PSKH1: variants seen among roughly 807,000 people sequenced by gnomAD.
PSKH1 encodes the protein serine/threonine-protein kinase H1.
PSKH1 carries 12 observed loss-of-function variants against 26.7 expected under a neutral mutation model. That is an observed-to-expected ratio of 0.45 (90% CI 0.29 to 0.73). The LOEUF is 0.73. Ranked by LOEUF, PSKH1 falls within the 30% of genes least tolerant of loss-of-function variation. The probability of loss-of-function intolerance (pLI) is 0.11; values close to 1 mark genes in which losing one functional copy is unlikely to be tolerated. For synonymous variants in PSKH1, 213 were observed against 234.3 expected (o/e 0.91, Z 0.83); for missense variants, 431 against 595.2 (o/e 0.72, Z 2.87).
At chr16:67,900,335 C>T (rs749943294) in intron 1 of PSKH1, among the ~76,000 whole-genome samples, 3 of 152,132 alleles carry the variant, frequency 2.0e-5, no homozygotes, top group Non-Finnish European at 4.4e-5. Flanking sequence ...TGAGAATGGC[C>T]CCTTCCCTCA....
intron 2 of PSKH1, among the ~76,000 whole-genome samples, chr16:67,912,234 T>A (rs2136648): frequency 0.092 from 13,981 of 152,230 alleles, 1,914 homozygotes; most frequent in African/African-American, 0.3. Context: ...AATAGTCCCT[T>A]ATACTCAGTT....
Position 67,909,628 on chromosome 16 carries a change from C to T in PSKH1, c.879C>T (p.Gly293=), listed in dbSNP as rs754466592. Residue 293 remains glycine (G), a synonymous_variant, in exon 2 of 3, where the codon GGC becomes GGT. Coordinates refer to ENST00000291041, the MANE Select transcript of PSKH1 (RefSeq NM_006742.3). The surrounding 1 kb of genome is among the most constrained non-coding windows in gnomAD (Gnocchi z 7.8). ...LGVIAYILLS[G]TMPFEDDNRT... Reference sequence around the variant, plus strand: ...TCATTGCCTACATCCTACTCAGTGGCACCATGCCGTTTGAGGATGACAACC... The same window carrying T: ...TCATTGCCTACATCCTACTCAGTGGTACCATGCCGTTTGAGGATGACAACC... The T allele has an allele frequency of 1.1e-5, 18 of 1,613,876 alleles. No individual in the cohort carries two copies. In the Admixed American group the frequency reaches 2.8e-4, roughly 25 times the overall value.
chr16:67,895,555 C>T (rs912702104), intron 1 of PSKH1, among the ~76,000 whole-genome samples: 27 of 151,860 alleles, frequency 1.8e-4, no homozygotes, highest in Non-Finnish European at 1.3e-4. Flanking sequence ...ATTACAATCA[C>T]GCATCACCAC....
At position 67,929,653 on chromosome 16, in the gene PSKH1, A is replaced by G. The variant is rs923790262; in HGVS notation, c.*2011A>G. On this transcript the variant is annotated 3_prime_UTR_variant, in exon 3 of 3. Transcript: ENST00000291041. ...TATTCAGTAAACAGGCTGCCTCTCC[A>G]GGGAGGGCTGCCATTCATTCCAACA... 8 of 480,338 alleles carry G rather than the reference A, an allele frequency of 1.7e-5. No individual in the cohort carries two copies. Among genetic ancestry groups the G allele is most frequent in the Admixed American group, 6.7e-5 (2 of 29,816 alleles). The allele number at this position is 480,338 out of a possible 1,614,324, so 29.8% of individuals were successfully genotyped here.
In PSKH1 at chr16:67,909,110, C is replaced by G; in HGVS notation, c.361C>G (p.Arg121Gly). Residue 121 changes from arginine (R) to glycine (G), a missense_variant, in exon 2 of 3, where the codon CGG (arginine) becomes GGG (glycine). Arg to Gly is a moderately radical substitution (Grantham distance 125). Coordinates refer to ENST00000291041, the MANE Select transcript of PSKH1 (RefSeq NM_006742.3). The surrounding 1 kb of genome is among the most constrained non-coding windows in gnomAD (Gnocchi z 7.8). ...RVVRVEHRAT[R>G]QPYAIKMIET... is the part of the protein sequence containing the mutation. ...GGTACGTGTAGAGCACCGGGCAACCCGGCAGCCGTATGCCATCAAGATGAT... is the reference window on the plus strand; with the variant it reads ...GGTACGTGTAGAGCACCGGGCAACCGGGCAGCCGTATGCCATCAAGATGAT... 6.2e-7 allele frequency: 1 copy of G among 1,614,130 alleles called. No individual in the cohort carries two copies. The highest frequency in any genetic ancestry group is 8.5e-7 in the Non-Finnish European group (1 of 1,180,026).
intron 2 of PSKH1, among the ~76,000 whole-genome samples, chr16:67,921,755 T>C (rs896169149): frequency 2.6e-5 from 4 of 152,214 alleles, no homozygotes; most frequent in African/African-American, 9.6e-5. Context: ...GACATCGCTA[T>C]GTTGGTGGCA....
intron 1 of PSKH1, among the ~76,000 whole-genome samples, chr16:67,895,590 G>A (rs1430077235): frequency 6.6e-6 from 1 of 151,922 alleles, no homozygotes; most frequent in Non-Finnish European, 1.5e-5. Flanking sequence ...TGTATTCTTA[G>A]TAGAGACGGG....
rs760908953 is a variant in PSKH1, at chr16:67,909,463, C to T, written c.714C>T (p.Thr238=). Residue 238 remains threonine (T), a synonymous_variant, in exon 2 of 3, where the codon ACC becomes ACT. Transcript: ENST00000291041. The surrounding 1 kb of genome is among the most constrained non-coding windows in gnomAD (Gnocchi z 7.8). ...GCACTGACTCCAAGATCATCATCAC[C>T]GACTTCGGCCTGGCCAGTGCTCGCA... ...HPGTDSKIII[T]DFGLASARKK... 1.4e-5 allele frequency: 22 copies of T among 1,613,408 alleles called. 1 individual carries two copies. Among genetic ancestry groups the T allele is most frequent in the Middle Eastern group, 1.6e-4 (1 of 6,082 alleles).
chr16:67,900,200 G>A (rs1276474001), intron 1 of PSKH1, among the ~76,000 whole-genome samples: 1 of 152,070 alleles, frequency 6.6e-6, no homozygotes, highest in East Asian at 1.9e-4. Context: ...TACCTCAGGT[G>A]ATCCACCTGC....
In PSKH1 at chr16:67,927,936, T is replaced by A. The variant is rs1598195614; in HGVS notation, c.*294T>A. ...CTGCTCTGGTGGAGTTGGGAAGGGA[T>A]AGGACCTGGCCTTCACTGTCTCCCT... is the stretch of plus-strand genomic sequence containing the variant. On this transcript the variant is annotated 3_prime_UTR_variant, in exon 3 of 3. Coordinates refer to ENST00000291041, the MANE Select transcript of PSKH1 (RefSeq NM_006742.3). This position sits in a 1 kb window ranked among gnomAD's most constrained non-coding sequence, Gnocchi z 5.5. The A allele has an allele frequency of 8.4e-6, 4 of 478,126 alleles. No individual in the cohort carries two copies. The East Asian group carries it at 1.5e-4, about 17-fold the overall frequency. The allele number at this position is 478,126 out of a possible 1,614,324, so 29.6% of individuals were successfully genotyped here.
At chr16:67,910,053 T>A (rs2058168971) in intron 2 of PSKH1, 1 of 471,062 alleles carries the variant, frequency 2.1e-6, no homozygotes, top group African/African-American at 1.9e-5. Context: ...ATGTGGAATG[T>A]GCCTCATAGT....
chr16:67,918,297 T>TA (rs1397190474), intron 2 of PSKH1, among the ~76,000 whole-genome samples: 1 of 152,096 alleles, frequency 6.6e-6, no homozygotes, highest in Non-Finnish European at 1.5e-5. Context: ...CATCCTGAAT[T>TA]ATCACCCTCC....
intron 2 of PSKH1, among the ~76,000 whole-genome samples, chr16:67,915,922 A>C (rs1028838729): frequency 7.9e-5 from 12 of 152,208 alleles, no homozygotes; most frequent in Admixed American, 5.9e-4. Context: ...CTAGAGGTTG[A>C]GATTGCCTGG....
chr16:67,927,710 G>A lies in PSKH1; in HGVS notation c.*68G>A, dbSNP rs567391606. ...ACACACTGTGGTGCCATCTGGGTCC[G>A]ATGCCCTCTCTGGAGATAGGCCTAT... is the stretch of plus-strand genomic sequence containing the variant. On this transcript the variant is annotated 3_prime_UTR_variant, in exon 3 of 3. Coordinates refer to ENST00000291041, the MANE Select transcript of PSKH1 (RefSeq NM_006742.3). The surrounding 1 kb of genome is among the most constrained non-coding windows in gnomAD (Gnocchi z 5.5). The A allele has an allele frequency of 2.3e-5, 34 of 1,495,754 alleles. No individual in the cohort carries two copies. The highest frequency in any genetic ancestry group is 2.2e-4 in the South Asian group (17 of 78,644). 92.7% of individuals were successfully genotyped at this position (1,495,754 alleles called of 1,614,324 possible). A position where few individuals can be genotyped will look rare whatever the true frequency, so the allele number is the denominator to read the frequency against.
intron 2 of PSKH1, among the ~76,000 whole-genome samples, chr16:67,919,893 G>A (rs1171585916): frequency 2.0e-5 from 3 of 152,202 alleles, no homozygotes; most frequent in Admixed American, 6.5e-5. Context: ...CTGCTGCCCT[G>A]GTTGCATACA....
intron 1 of PSKH1, among the ~76,000 whole-genome samples, chr16:67,904,016 A>ATTT (rs58819890): frequency 1.6e-5 from 2 of 126,452 alleles, no homozygotes; most frequent in African/African-American, 3.0e-5. Flanking sequence ...TACCCAGCTG[A>ATTT]TTTTTTTTTT....
In PSKH1 at chr16:67,893,337, C is replaced by A. The variant is rs35268848; in HGVS notation, c.-105C>A. On this transcript the variant is annotated 5_prime_UTR_variant, in exon 1 of 3. Coordinates refer to ENST00000291041, the MANE Select transcript of PSKH1 (RefSeq NM_006742.3). ...ATTGCCCGGAGATGGCCGGCAGAGC[C>A]GCCGAGACGCCGAAGAGCCCGCCGC... is the stretch of plus-strand genomic sequence containing the variant. 1,587 of 155,266 alleles carry A rather than the reference C, an allele frequency of 0.01. 11 individuals carry two copies. The highest frequency in any genetic ancestry group is 0.015 in the Non-Finnish European group (1,057 of 70,290). The allele number at this position is 155,266 out of a possible 1,614,324, so 9.6% of individuals were successfully genotyped here. A position where few individuals can be genotyped will look rare whatever the true frequency, so the allele number is the denominator to read the frequency against.
chr16:67,906,854 A>C (rs35893568), intron 1 of PSKH1, among the ~76,000 whole-genome samples: 3,086 of 152,240 alleles, frequency 0.02, 45 homozygotes, highest in Non-Finnish European at 0.034. Context: ...CTGGGAATCA[A>C]ACTGGAAGGG....
chr16:67,903,476 C>T (rs1438540591), intron 1 of PSKH1, among the ~76,000 whole-genome samples: 1 of 152,000 alleles, frequency 6.6e-6, no homozygotes, highest in African/African-American at 2.4e-5. Context: ...TTTCCTCTCT[C>T]TCTCTTTTTG....
Sources: gnomAD v4.1 joint callset for allele counts (sites outside exome capture counted in the v4.1 genomes callset) on GRCh38, gnomAD v4.1.1 for gene constraint, Gnocchi (gnomAD v3.1) non-coding constraint, MANE v1.5 for transcripts, NCBI Gene and HGNC (gene_info 2026-07-23, HGNC 2026-07-21) for gene names.